Variants in TENM1 observed in about 807,000 individuals in gnomAD.
TENM1 encodes teneurin-1.
Under a neutral mutation model 174.8 loss-of-function variants are expected in TENM1, and 35 were observed. That is an observed-to-expected ratio of 0.20 (90% CI 0.15 to 0.27). The LOEUF (loss-of-function observed/expected upper bound fraction) is 0.27, where lower values mean the gene tolerates loss of function less well. TENM1 is among the 10% of genes least tolerant of loss of function. The pLI, the probability that TENM1 is intolerant of heterozygous loss-of-function variation, is 1.00. For synonymous variants in TENM1, 781 were observed against 798.7 expected (o/e 0.98, Z 0.37); for missense variants, 1,633 against 2,130.1 (o/e 0.77, Z 4.59).
At chrX:124,797,853 C>T (rs1260638347) in intron 3 of TENM1, among the ~76,000 whole-genome samples, 1 of 110,403 alleles carries the variant, frequency 9.1e-6, no homozygotes, top group Non-Finnish European at 1.9e-5. Context: ...CCTTTGTCCC[C>T]ACCCTCCAAC....
chrX:125,154,661 CGGTGAGTGTTACAGTTCTTAAA>C, the TENM1 span, among the ~76,000 whole-genome samples: 5 of 111,069 alleles, frequency 4.5e-5, no homozygotes, highest in Non-Finnish European at 9.4e-5. Context: ...CGGACCCTCG[CGGTGAGTGTTACAGTTCTTAAA>C]GGCGGCGTGT....
the TENM1 span, among the ~76,000 whole-genome samples, chrX:125,046,820 ATGTGTGTGTGTGTGCATG>A: frequency 1.2e-4 from 12 of 102,807 alleles, no homozygotes; most frequent in African/African-American, 2.2e-4. Flanking sequence ...TCATACAATT[ATGTGTGTGTGTGTGCATG>A]TGTGTGTGTG....
At chrX:124,511,250 T>A (rs895850267) in intron 18 of TENM1, among the ~76,000 whole-genome samples, 7 of 112,079 alleles carry the variant, frequency 6.2e-5, no homozygotes, top group Admixed American at 4.7e-4. Context: ...ATAAACTGGT[T>A]TTTTAGGTAG....
chrX:125,044,824 T>A, the TENM1 span, among the ~76,000 whole-genome samples: 14 of 111,318 alleles, frequency 1.3e-4, no homozygotes, highest in African/African-American at 3.9e-4. Context: ...AGGAAAAATT[T>A]CAAATTTGTT....
chrX:124,740,694 CT>C (rs892829807), intron 3 of TENM1, among the ~76,000 whole-genome samples: 5 of 111,591 alleles, frequency 4.5e-5, no homozygotes, highest in Non-Finnish European at 9.4e-5. Context: ...CAGATTCATT[CT>C]TTTTTTCACC....
intron 11 of TENM1, among the ~76,000 whole-genome samples, chrX:124,624,894 G>A (rs1005086019): frequency 8.9e-6 from 1 of 112,228 alleles, no homozygotes; most frequent in African/African-American, 3.2e-5. Context: ...GCCTCCTACT[G>A]GCTATTTGAT....
chrX:125,145,245 A>G, the TENM1 span, among the ~76,000 whole-genome samples: 36 of 111,907 alleles, frequency 3.2e-4, 1 homozygote, highest in African/African-American at 1.2e-3. Flanking sequence ...TGGAGTTCAT[A>G]TTAGTGGGAT....
chrX:124,428,804 CTG>C (rs1159198562), intron 23 of TENM1, among the ~76,000 whole-genome samples: 1 of 112,055 alleles, frequency 8.9e-6, no homozygotes, highest in African/African-American at 3.2e-5. Context: ...TCCTTTTCAA[CTG>C]TGTTTCCCAG....
chrX:124,751,666 A>G (rs1442821413), intron 3 of TENM1, among the ~76,000 whole-genome samples: 1 of 71,628 alleles, frequency 1.4e-5, no homozygotes, highest in African/African-American at 5.3e-5. Context: ...AACAGTTCCC[A>G]GAGTGTGATG....
chrX:124,600,022 A>G (rs2049991635), intron 11 of TENM1, among the ~76,000 whole-genome samples: 1 of 110,241 alleles, frequency 9.1e-6, no homozygotes, highest in African/African-American at 3.3e-5. Flanking sequence ...GTATGTATAT[A>G]TATATGTGTG....
At position 124,381,305 on chromosome X, in the gene TENM1, G is replaced by T; in HGVS notation, c.7441-11C>A. 1 of 1,185,629 alleles carries T rather than the reference G, an allele frequency of 8.4e-7. No individual in the cohort carries two copies. Among genetic ancestry groups the T allele is most frequent in the Non-Finnish European group, 1.1e-6 (1 of 885,644 alleles). Reference sequence around the variant, plus strand: ...AATGCCCAGGATAGTCTAGGAAAGAGAGGCACAGAGCAGATGCAGCATGGA... The same window carrying T: ...AATGCCCAGGATAGTCTAGGAAAGATAGGCACAGAGCAGATGCAGCATGGA... On this transcript the variant is annotated splice_polypyrimidine_tract_variant and intron_variant, in intron 31 of 31. Transcript: ENST00000422452.
intron 11 of TENM1, among the ~76,000 whole-genome samples, chrX:124,637,845 C>T (rs1002185178): frequency 1.5e-4 from 17 of 112,025 alleles, no homozygotes; most frequent in African/African-American, 3.3e-4. Context: ...CACATGCTGT[C>T]GGAGACATAA....
intron 1 of TENM1, among the ~76,000 whole-genome samples, chrX:124,910,990 A>G (rs1323676104): frequency 1.8e-5 from 2 of 108,732 alleles, no homozygotes; most frequent in Non-Finnish European, 3.8e-5. Flanking sequence ...ATCACAGCTC[A>G]CTGCAGCTTT....
the TENM1 span, among the ~76,000 whole-genome samples, chrX:124,974,197 C>T: frequency 2.7e-5 from 3 of 111,743 alleles, no homozygotes; most frequent in Non-Finnish European, 3.8e-5. Context: ...AATGAACCCA[C>T]GCTCATCATA....
chrX:125,106,545 G>A, the TENM1 span, among the ~76,000 whole-genome samples: 27 of 110,125 alleles, frequency 2.5e-4, no homozygotes, highest in Non-Finnish European at 4.9e-4. Context: ...AAGTAGCTGG[G>A]ACTACGGGCG....
chrX:125,020,491 TG>T, the TENM1 span, among the ~76,000 whole-genome samples: 3 of 109,653 alleles, frequency 2.7e-5, no homozygotes, highest in South Asian at 3.9e-4. Flanking sequence ...TTTTCCTGGA[TG>T]TTTTTTTTTT....
intron 12 of TENM1, 91 bp from the exon 16 acceptor site, chrX:124,563,863 G>T: frequency 2.4e-6 from 2 of 843,939 alleles, no homozygotes; most frequent in Admixed American, 2.9e-5. Context: ...TGTTGCCTGG[G>T]AGGAGAACAG....
intron 11 of TENM1, among the ~76,000 whole-genome samples, chrX:124,631,916 C>CA (rs1456476519): frequency 2.2e-5 from 2 of 90,317 alleles, no homozygotes; most frequent in African/African-American, 8.8e-5. Flanking sequence ...AAAATCCATA[C>CA]AGTTTTTTTT....
At chrX:124,785,792 G>A (rs1234029404) in intron 3 of TENM1, among the ~76,000 whole-genome samples, 5 of 111,858 alleles carry the variant, frequency 4.5e-5, no homozygotes, top group South Asian at 7.3e-4. Flanking sequence ...CAGTCTCCTG[G>A]ACAATGATTC....
Sources: gnomAD v4.1 joint callset for allele counts (sites outside exome capture counted in the v4.1 genomes callset) on GRCh38, gnomAD v4.1.1 for gene constraint, MANE v1.5 for transcripts, NCBI Gene and HGNC (gene_info 2026-07-23, HGNC 2026-07-21) for gene names.